Variants in BNC2 observed in about 807,000 individuals in gnomAD.
BNC2 encodes the protein zinc finger protein basonuclin-2.
Under a neutral mutation model 76.3 loss-of-function variants are expected in BNC2, and 20 were observed. The observed-to-expected ratio is 0.26, with a 90% confidence interval of 0.18 to 0.38. The LOEUF (loss-of-function observed/expected upper bound fraction) is 0.38, where lower values mean the gene tolerates loss of function less well. BNC2 is among the 10% of genes least tolerant of loss of function. BNC2 has a pLI of 1.00. For missense variants in BNC2, 1,382 were observed against 1,399.8 expected, an observed-to-expected ratio of 0.99 and a Z score of 0.20; for synonymous variants, 582 against 514.8, an observed-to-expected ratio of 1.13 and a Z score of -1.77.
rs1364209234 is a variant in BNC2, at chr9:16,417,229, TATC to T, written c.*1757_*1759del. 6.6e-6 allele frequency: 1 copy of T among 152,418 alleles called. No individual in the cohort carries two copies. The allele number at this position is 152,418 out of a possible 1,614,324, so 9.4% of individuals were successfully genotyped here. A position where few individuals can be genotyped will look rare whatever the true frequency, so the allele number is the denominator to read the frequency against. On this transcript the variant is annotated 3_prime_UTR_variant, in exon 7 of 7. Transcript: ENST00000380672. The stretch of plus-strand genomic sequence containing the variant: ...TGGCTGCAGACTGAACTTGAGTAAA[TATC>T]ATCATTTAGTCAGTATGTTGTGGTA...
chr9:16,687,715 T>C (rs960277148), intron 3 of BNC2, among the ~76,000 whole-genome samples: 1 of 152,166 alleles, frequency 6.6e-6, no homozygotes. Context: ...ACAAAACAAA[T>C]TGCTACTTAC....
chr9:16,464,934 T>C (rs1355761194), intron 5 of BNC2, among the ~76,000 whole-genome samples: 1 of 152,212 alleles, frequency 6.6e-6, no homozygotes, highest in Non-Finnish European at 1.5e-5. Context: ...TAGGAAGTGA[T>C]AGCTCCTCCT....
intron 5 of BNC2, among the ~76,000 whole-genome samples, chr9:16,498,098 T>C (rs1822433109): frequency 6.8e-6 from 1 of 147,478 alleles, no homozygotes; most frequent in Admixed American, 6.9e-5. Flanking sequence ...TTCCATCATA[T>C]ATATATTCTA....
At chr9:16,563,745 T>C (rs897842727) in intron 4 of BNC2, among the ~76,000 whole-genome samples, 1 of 152,180 alleles carries the variant, frequency 6.6e-6, no homozygotes, top group Admixed American at 6.5e-5. Flanking sequence ...GAACTGATAG[T>C]GTACCTTTTC....
intron 5 of BNC2, among the ~76,000 whole-genome samples, chr9:16,510,064 C>G (rs1200065759): frequency 1.3e-5 from 2 of 152,148 alleles, no homozygotes; most frequent in East Asian, 3.9e-4. Flanking sequence ...AGAAACCGTT[C>G]AGGAACAATT....
intron 3 of BNC2, among the ~76,000 whole-genome samples, chr9:16,654,508 T>C (rs1447297326): frequency 6.6e-6 from 1 of 152,206 alleles, no homozygotes; most frequent in East Asian, 1.9e-4. Context: ...ATAACAACAG[T>C]ACCAAAAGAC....
intron 5 of BNC2, among the ~76,000 whole-genome samples, chr9:16,465,809 C>T (rs1490366245): frequency 2.0e-5 from 3 of 152,078 alleles, no homozygotes; most frequent in Non-Finnish European, 2.9e-5. Flanking sequence ...AATTAAAATG[C>T]CTTCTTCTGG....
At chr9:16,749,243 T>C (rs1240646328) in intron 1 of BNC2, among the ~76,000 whole-genome samples, 3 of 152,128 alleles carry the variant, frequency 2.0e-5, no homozygotes, top group Non-Finnish European at 2.9e-5. Context: ...AAATAAAAGA[T>C]GTAAATAAGC....
intron 1 of BNC2, among the ~76,000 whole-genome samples, 163 bp downstream of exon 1, chr9:16,870,483 C>T (rs1586950034): frequency 6.6e-6 from 1 of 152,040 alleles, no homozygotes; most frequent in Non-Finnish European, 1.5e-5. Context: ...CAGGTCGGAC[C>T]GGGGTTCTGG....
In BNC2 at chr9:16,723,089, A is replaced by C. The variant is rs142849279; in HGVS notation, c.330+4708T>G. Among the ~76,000 whole-genome samples, 274 of 152,324 alleles carry C rather than the reference A, an allele frequency of 1.8e-3. 2 individuals are homozygous for C. The highest frequency in any genetic ancestry group is 6.2e-3 in the African/African-American group (256 of 41,578). ...CGTAGCCTAGTAATTCAACAGGCTA[A>C]AACTGCATGCCTCTTAATATAAATA... On this transcript the variant is annotated intron_variant, in intron 3 of 6. Coordinates refer to ENST00000380672, the MANE Select transcript of BNC2 (RefSeq NM_017637.6).
intron 2 of BNC2, among the ~76,000 whole-genome samples, chr9:16,731,392 C>T (rs1587360751): frequency 6.6e-6 from 1 of 152,178 alleles, no homozygotes; most frequent in East Asian, 1.9e-4. Flanking sequence ...GTCCACCAAA[C>T]TAGGTTTCAC....
chr9:16,445,435 G>A (rs1459620583), intron 5 of BNC2, among the ~76,000 whole-genome samples: 1 of 152,066 alleles, frequency 6.6e-6, no homozygotes, highest in African/African-American at 2.4e-5. Flanking sequence ...TTTGTAGGCA[G>A]AATGAAACAT....
intron 1 of BNC2, among the ~76,000 whole-genome samples, chr9:16,766,034 G>A (rs953799161): frequency 1.4e-4 from 22 of 152,196 alleles, no homozygotes; most frequent in African/African-American, 2.6e-4. Flanking sequence ...TGATCCGCCC[G>A]CCTTGGCCTC....
At chr9:16,733,529 A>T (rs1450075209) in intron 2 of BNC2, among the ~76,000 whole-genome samples, 1 of 152,084 alleles carries the variant, frequency 6.6e-6, no homozygotes, top group Non-Finnish European at 1.5e-5. Context: ...GAAAGACAGT[A>T]AAAAGTTCAC....
At chr9:16,759,519 C>A (rs1390588947) in intron 1 of BNC2, among the ~76,000 whole-genome samples, 1 of 151,946 alleles carries the variant, frequency 6.6e-6, no homozygotes, top group Non-Finnish European at 1.5e-5. Context: ...AGTGTTAAAT[C>A]CCTCAAAATA....
At chr9:16,665,097 A>C (rs1354805506) in intron 3 of BNC2, 2 of 456,022 alleles carry the variant, frequency 4.4e-6, no homozygotes, top group Non-Finnish European at 8.8e-6. Flanking sequence ...AGCCGGGTGC[A>C]GTGGCTCACG....
chr9:16,518,363 G>A (rs1817501495), intron 5 of BNC2, among the ~76,000 whole-genome samples: 1 of 151,980 alleles, frequency 6.6e-6, no homozygotes, highest in African/African-American at 2.4e-5. Context: ...AAACCCAGGA[G>A]GTCAAGGCTG....
chr9:16,612,519 T>G (rs1820578000), intron 3 of BNC2, among the ~76,000 whole-genome samples: 1 of 152,192 alleles, frequency 6.6e-6, no homozygotes. Flanking sequence ...CAAGATCCCC[T>G]CACCAATTCT....
At chr9:16,568,836 A>G (rs956893993) in intron 4 of BNC2, among the ~76,000 whole-genome samples, 1 of 152,140 alleles carries the variant, frequency 6.6e-6, no homozygotes, top group Non-Finnish European at 1.5e-5. Context: ...ACGTGAAGTA[A>G]TATTTAGATC....
Sources: allele counts gnomAD v4.1 joint callset (sites outside exome capture counted in the v4.1 genomes callset), GRCh38; gene constraint gnomAD v4.1.1; transcripts MANE v1.5; gene names NCBI Gene and HGNC (gene_info 2026-07-23, HGNC 2026-07-21).